Variants in ADGB observed in about 807,000 individuals in gnomAD.
ADGB encodes calpain-7-like protein.
Under a neutral mutation model 210.5 loss-of-function variants are expected in ADGB, and 172 were observed. That is an observed-to-expected ratio of 0.82 (90% CI 0.72 to 0.93). ADGB has a LOEUF of 0.93. Ranked by LOEUF, ADGB falls within the 40% of genes least tolerant of loss-of-function variation. The pLI is 0.00. For missense variants in ADGB, 2,025 were observed against 1,964.8 expected, an observed-to-expected ratio of 1.03 and a Z score of -0.58; for synonymous variants, 658 against 662.7, an observed-to-expected ratio of 0.99 and a Z score of 0.11.
intron 29 of ADGB, among the ~76,000 whole-genome samples, chr6:146,778,225 T>C (rs1428639113): frequency 6.6e-6 from 1 of 152,158 alleles, no homozygotes; most frequent in African/African-American, 2.4e-5. Context: ...CTATGGCCAG[T>C]GAGGGTGGTT....
chr6:146,723,033 T>C (rs1323211712), intron 17 of ADGB, among the ~76,000 whole-genome samples: 1 of 152,214 alleles, frequency 6.6e-6, no homozygotes, highest in African/African-American at 2.4e-5. Context: ...CTGAATGTTT[T>C]GTCAACATGC....
chr6:146,815,386 G>A lies in ADGB; in HGVS notation c.*169G>A. The A allele has an allele frequency of 2.1e-6, 1 of 469,496 alleles. No individual in the cohort carries two copies. Among genetic ancestry groups the A allele is most frequent in the Non-Finnish European group, 3.5e-6 (1 of 284,096 alleles). 29.1% of individuals were successfully genotyped at this position (469,496 alleles called of 1,614,324 possible). On this transcript the variant is annotated 3_prime_UTR_variant, in exon 36 of 36. Transcript: ENST00000397944. ...TTTCCTCAGAAAGCTAGTATTTGAA[G>A]CCATTTGAGTTTAAGATGCTCTAAT... is the stretch of plus-strand genomic sequence containing the variant.
chr6:146,725,984 T>G, intron 18 of ADGB, 99 bp from the exon 19 acceptor site: 1 of 662,384 alleles, frequency 1.5e-6, no homozygotes, highest in Non-Finnish European at 2.6e-6. Context: ...CCCTAACCTT[T>G]TACTTCATTT....
At chr6:146,771,167 G>A (rs943905576) in intron 29 of ADGB, among the ~76,000 whole-genome samples, 3 of 152,054 alleles carry the variant, frequency 2.0e-5, no homozygotes, top group Non-Finnish European at 4.4e-5. Flanking sequence ...TGCACAGGCG[G>A]TTGGCTTTGG....
intron 29 of ADGB, among the ~76,000 whole-genome samples, chr6:146,775,706 C>G (rs1777711075): frequency 6.6e-6 from 1 of 151,964 alleles, no homozygotes; most frequent in Non-Finnish European, 1.5e-5. Flanking sequence ...TAACACTATT[C>G]CTTTAACTCT....
intron 1 of ADGB, among the ~76,000 whole-genome samples, chr6:146,611,613 C>T (rs1010029472): frequency 4.6e-5 from 7 of 152,198 alleles, no homozygotes; most frequent in South Asian, 2.1e-4. Flanking sequence ...TCCTGGTGTT[C>T]GGCAACCCTA....
chr6:146,777,718 T>A (rs1777740284), intron 29 of ADGB, among the ~76,000 whole-genome samples: 1 of 152,218 alleles, frequency 6.6e-6, no homozygotes, highest in Admixed American at 6.5e-5. Flanking sequence ...GTCATTGGCA[T>A]TCTTCCCTTC....
intron 13 of ADGB, among the ~76,000 whole-genome samples, chr6:146,701,400 C>T (rs1205859117): frequency 6.6e-6 from 1 of 151,984 alleles, no homozygotes; most frequent in Non-Finnish European, 1.5e-5. Context: ...ATGTCCTGTT[C>T]ATTTCACTAA....
chr6:146,710,093 A>C (rs2114556370), intron 13 of ADGB, among the ~76,000 whole-genome samples: 1 of 151,138 alleles, frequency 6.6e-6, no homozygotes, highest in East Asian at 2.0e-4. Flanking sequence ...TGGTTCCTTA[A>C]GCCAGATATA....
chr6:146,694,780 A>G (rs1276073481), intron 12 of ADGB, among the ~76,000 whole-genome samples: 1 of 152,164 alleles, frequency 6.6e-6, no homozygotes, highest in African/African-American at 2.4e-5. Flanking sequence ...AATACTGTGT[A>G]AGTTATTTTC....
At position 146,735,199 on chromosome 6, in the gene ADGB, C is replaced by A. The variant is rs187439766; in HGVS notation, c.2794+1169C>A. On this transcript the variant is annotated intron_variant, in intron 22 of 35. Transcript: ENST00000397944. ...TTCCTCATTACAAAACATATGCATT[C>A]GTCAAACTCAATATAGGATGTCTTG... Among the ~76,000 whole-genome samples, 7 of 152,170 alleles carry A rather than the reference C, an allele frequency of 4.6e-5. No homozygotes were observed. In the South Asian group the frequency reaches 1.5e-3, roughly 32 times the overall value.
chr6:146,726,217 C>G lies in ADGB; in HGVS notation c.2352+20C>G. The G allele has an allele frequency of 1.4e-6, 2 of 1,455,080 alleles. No individual in the cohort carries two copies. The highest frequency in any genetic ancestry group is 1.9e-6 in the Non-Finnish European group (2 of 1,060,524). The allele number at this position is 1,455,080 out of a possible 1,614,324, so 90.1% of individuals were successfully genotyped here. A position where few individuals can be genotyped will look rare whatever the true frequency, so the allele number is the denominator to read the frequency against. ...GAACCAGTAAGTATTTTTGCAACAG[C>G]AAGTTATTTATTTATTTATTTAGAG... On this transcript the variant is annotated intron_variant, in intron 19 of 35. Transcript: ENST00000397944.
In ADGB at chr6:146,733,150, A is replaced by G. The variant is rs1177316358; in HGVS notation, c.2551A>G (p.Lys851Glu). Residue 851 changes from lysine to glutamate, a missense_variant, in exon 21 of 36, where the codon AAA becomes GAA. Physicochemically the swap from Lys to Glu is moderately conservative, Grantham distance 56. Transcript: ENST00000397944. Reference sequence around the variant, plus strand: ...TCATCTTTCCTTATGGCGTTTAATGAAAAAAGTTCAAATAACAAAACCTCC... The same window carrying G: ...TCATCTTTCCTTATGGCGTTTAATGGAAAAAGTTCAAATAACAAAACCTCC... ...VFHLSLWRLMKKVQITKPPPN... is the reference protein window; with the variant it reads ...VFHLSLWRLMEKVQITKPPPN... 6.5e-7 allele frequency: 1 copy of G among 1,531,604 alleles called. No homozygotes were observed. Among genetic ancestry groups the G allele is most frequent in the Non-Finnish European group, 8.8e-7 (1 of 1,136,570 alleles). 94.9% of individuals were successfully genotyped at this position (1,531,604 alleles called of 1,614,324 possible). A position where few individuals can be genotyped will look rare whatever the true frequency, so the allele number is the denominator to read the frequency against.
chr6:146,646,718 C>A (rs1257727817), intron 3 of ADGB, among the ~76,000 whole-genome samples: 7 of 152,078 alleles, frequency 4.6e-5, no homozygotes, highest in African/African-American at 1.7e-4. Flanking sequence ...AGCAACAAAT[C>A]AGAGGCTGAA....
chr6:146,628,233 A>C (rs964283128), intron 1 of ADGB, among the ~76,000 whole-genome samples: 5 of 151,758 alleles, frequency 3.3e-5, no homozygotes, highest in Non-Finnish European at 7.4e-5. Context: ...TTATATTTTT[A>C]AAAATTATTT....
chr6:146,691,459 A>AATATATATATAT (rs1776319367), intron 11 of ADGB, among the ~76,000 whole-genome samples, 169 bp downstream of exon 11: 3 of 44,724 alleles, frequency 6.7e-5, no homozygotes, highest in Non-Finnish European at 9.5e-5. Flanking sequence ...TATATATATA[A>AATATATATATAT]AAATATATAT....
At chr6:146,712,184 G>GTTTTTTT (rs112151598) in intron 13 of ADGB, among the ~76,000 whole-genome samples, 1 of 149,898 alleles carries the variant, frequency 6.7e-6, no homozygotes, top group African/African-American at 2.5e-5. Flanking sequence ...GTTTTGTTTT[G>GTTTTTTT]TTTTTTTTTG....
intron 13 of ADGB, among the ~76,000 whole-genome samples, chr6:146,703,849 A>G (rs1379535237): frequency 6.9e-6 from 1 of 144,072 alleles, no homozygotes; most frequent in Non-Finnish European, 1.5e-5. Flanking sequence ...GCTGGATCAC[A>G]TGATTGCCCT....
intron 5 of ADGB, among the ~76,000 whole-genome samples, chr6:146,662,946 A>G (rs1056778696): frequency 6.8e-6 from 1 of 146,152 alleles, no homozygotes; most frequent in Non-Finnish European, 1.5e-5. Context: ...TAATAATGTT[A>G]TATATTACAC....
Sources: allele counts gnomAD v4.1 joint callset (sites outside exome capture counted in the v4.1 genomes callset), GRCh38; gene constraint gnomAD v4.1.1; transcripts MANE v1.5; gene names NCBI Gene and HGNC (gene_info 2026-07-23, HGNC 2026-07-21).